GSE1: variants seen among roughly 807,000 people sequenced by gnomAD.
GSE1 encodes the protein genetic suppressor element 1.
A neutral mutation model predicts 112.6 loss-of-function variants in GSE1; 32 were observed. The observed-to-expected ratio is 0.28, with a 90% CI of 0.21 to 0.38. The LOEUF is 0.38. GSE1 is among the 10% of genes least tolerant of loss of function. The pLI is 1.00. For missense variants in GSE1, 2,348 were observed against 1,699.2 expected (o/e 1.38, Z -6.71); for synonymous variants, 1,115 against 735.6 (o/e 1.52, Z -8.35).
chr16:85,536,289 C>T (rs997828762), intron 2 of GSE1, among the ~76,000 whole-genome samples: 1 of 152,166 alleles, frequency 6.6e-6, no homozygotes, highest in Non-Finnish European at 1.5e-5. Context: ...GACTGGGGCT[C>T]CTCTGAAAAG....
At chr16:85,386,414 T>C (rs758454449) in intron 2 of GSE1, among the ~76,000 whole-genome samples, 7 of 152,146 alleles carry the variant, frequency 4.6e-5, no homozygotes, top group Non-Finnish European at 1.0e-4. Flanking sequence ...AAAATGACAA[T>C]AATAAAGATA....
chr16:85,338,217 G>A (rs959261791), intron 1 of GSE1, among the ~76,000 whole-genome samples: 1 of 152,264 alleles, frequency 6.6e-6, no homozygotes, highest in East Asian at 1.9e-4. Context: ...TGCACCGGCA[G>A]ATCTTCCCCC....
rs2046316679 is a variant in GSE1 at position 85,330,587 on chromosome 16, C to T, written c.2284-26876C>T. ...GGGCACTGTGAGGGGCTGCAGCGCCCCACTGCCATGTCGTCTGCCTCTGCC... is the reference window on the plus strand; with the variant it reads ...GGGCACTGTGAGGGGCTGCAGCGCCTCACTGCCATGTCGTCTGCCTCTGCC... On this transcript the variant is annotated intron_variant, in intron 1 of 2. Coordinates refer to the GSE1 transcript ENST00000637419. 2.0e-5 allele frequency among the ~76,000 whole-genome samples: 3 copies of T among 152,224 alleles called. No individual in the cohort carries two copies. In the South Asian group the frequency reaches 6.2e-4, roughly 32 times the overall value.
chr16:85,174,518 C>G (rs61567359), intron 1 of GSE1, among the ~76,000 whole-genome samples: 2,557 of 152,346 alleles, frequency 0.017, 73 homozygotes, highest in African/African-American at 0.059. Context: ...TTCTGGTCTT[C>G]CGTCCTCCCT....
At chr16:85,403,097 G>T (rs977048120) in intron 2 of GSE1, among the ~76,000 whole-genome samples, 9 of 151,700 alleles carry the variant, frequency 5.9e-5, no homozygotes, top group Non-Finnish European at 1.0e-4. Context: ...TTGCTGGGGG[G>T]GGACTCAGTT....
At chr16:85,181,093 T>C (rs1482922477) in intron 1 of GSE1, among the ~76,000 whole-genome samples, 2 of 152,228 alleles carry the variant, frequency 1.3e-5, no homozygotes, top group African/African-American at 4.8e-5. Flanking sequence ...GCCATGTGTC[T>C]GGTGTCAGCC....
At chr16:85,430,777 G>A (rs4783200) in intron 2 of GSE1, among the ~76,000 whole-genome samples, 24,045 of 152,194 alleles carry the variant, frequency 0.16, 1,997 homozygotes, top group Middle Eastern at 0.26. Flanking sequence ...TGACCTGCCC[G>A]CCTCCATCAG....
chr16:85,648,022 C>A (rs1429492456), intron 2 of GSE1, among the ~76,000 whole-genome samples: 2 of 151,712 alleles, frequency 1.3e-5, no homozygotes, highest in Admixed American at 6.6e-5. Context: ...GACTCAGAGG[C>A]TTGGGGTCTC....
chr16:85,235,541 G>T (rs1452393607), intron 1 of GSE1, among the ~76,000 whole-genome samples: 1 of 144,976 alleles, frequency 6.9e-6, no homozygotes, highest in Admixed American at 7.0e-5. Context: ...ACCTGGATGA[G>T]GGGGTGATAA....
intron 12 of GSE1, among the ~76,000 whole-genome samples, chr16:85,665,609 G>GC (rs2052782990): frequency 6.6e-6 from 1 of 152,130 alleles, no homozygotes; most frequent in African/African-American, 2.4e-5. Flanking sequence ...GTTCTGGCTG[G>GC]CCTCTGCCCT....
chr16:85,672,037 C>A (rs1598735320), intron 15 of GSE1: 1 of 223,676 alleles, frequency 4.5e-6, no homozygotes, highest in East Asian at 1.3e-4. Context: ...CTCACTCTGT[C>A]ACCCAAGCTG....
intron 2 of GSE1, among the ~76,000 whole-genome samples, chr16:85,361,240 A>G (rs1358202231): frequency 2.3e-5 from 3 of 129,428 alleles, no homozygotes; most frequent in African/African-American, 8.7e-5. Context: ...AGACACACAT[A>G]GACAGGCACA....
intron 2 of GSE1, among the ~76,000 whole-genome samples, chr16:85,643,330 C>A (rs2050596937): frequency 6.6e-6 from 1 of 152,140 alleles, no homozygotes; most frequent in Non-Finnish European, 1.5e-5. Flanking sequence ...GGGCCAGGTG[C>A]CAGCCTCGCT....
intron 1 of GSE1, among the ~76,000 whole-genome samples, chr16:85,590,556 A>T (rs1251495969): frequency 7.7e-6 from 1 of 129,594 alleles, no homozygotes; most frequent in African/African-American, 3.0e-5. Context: ...TGCGTGTGTG[A>T]CTGGGCCCGC....
At chr16:85,313,486 T>A (rs776562001) in intron 1 of GSE1, among the ~76,000 whole-genome samples, 1 of 152,122 alleles carries the variant, frequency 6.6e-6, no homozygotes, top group Non-Finnish European at 1.5e-5. Flanking sequence ...TTCCCTTTCA[T>A]GTTGGCCCCG....
At chr16:85,642,687 G>A (rs757904951) in intron 2 of GSE1, among the ~76,000 whole-genome samples, 7 of 152,244 alleles carry the variant, frequency 4.6e-5, no homozygotes, top group Admixed American at 1.3e-4. Flanking sequence ...AGGGAAGCAC[G>A]TCCGGTAGTT....
chr16:85,306,630 C>CA (rs2045686504), intron 1 of GSE1, among the ~76,000 whole-genome samples: 2 of 152,138 alleles, frequency 1.3e-5, no homozygotes, highest in Non-Finnish European at 2.9e-5. Flanking sequence ...CTCACTGCAG[C>CA]CTCATCCTCC....
chr16:85,628,775 T>C (rs1207565863), intron 1 of GSE1, among the ~76,000 whole-genome samples: 1 of 152,330 alleles, frequency 6.6e-6, no homozygotes, highest in South Asian at 2.1e-4. Flanking sequence ...GTGAAAGACA[T>C]AGCTCTTCTC....
At chr16:85,453,162 C>T (rs890181356) in intron 2 of GSE1, among the ~76,000 whole-genome samples, 5 of 152,076 alleles carry the variant, frequency 3.3e-5, no homozygotes, top group East Asian at 1.9e-4. Context: ...TTCCAGCTCC[C>T]GTATCGGGGG....
Sources: gnomAD v4.1 joint callset for allele counts (sites outside exome capture counted in the v4.1 genomes callset) on GRCh38, gnomAD v4.1.1 for gene constraint, MANE v1.5 for transcripts, NCBI Gene and HGNC (gene_info 2026-07-23, HGNC 2026-07-21) for gene names.